The following EFCAB7 variants were observed in gnomAD, a reference collection of about 807,000 sequenced individuals.
The protein encoded by EFCAB7 is EF-hand calcium-binding domain-containing protein 7.
Under a neutral mutation model 77.1 loss-of-function variants are expected in EFCAB7, and 66 were observed. The observed-to-expected ratio is 0.86, with a 90% CI of 0.70 to 1.05. EFCAB7 has a LOEUF of 1.05. EFCAB7 is among the 50% of genes least tolerant of loss of function. The pLI is 0.00. For synonymous variants in EFCAB7, 225 were observed against 243.3 expected, an observed-to-expected ratio of 0.92 and a Z score of 0.70; for missense variants, 638 against 730.5, an observed-to-expected ratio of 0.87 and a Z score of 1.46.
At position 63,533,541 on chromosome 1, in the gene EFCAB7, C is replaced by T. The variant is rs950206374; in HGVS notation, c.574C>T (p.Gln192Ter). The T allele has an allele frequency of 6.2e-7, 1 of 1,613,098 alleles. No homozygotes were observed. The highest frequency in any genetic ancestry group is 1.3e-5 in the African/African-American group (1 of 74,856). Residue 192 changes from glutamine to a stop codon, truncating the protein, a stop_gained, in exon 5 of 14, where the codon CAG (glutamine) becomes TAG (stop). Transcript: ENST00000371088. LOFTEE classifies it high-confidence loss of function. ...GGTTGACAGTAAATTGATGCGTCAC[C>T]AGTTTGGAAACCACATCGAAGGGTC... Reference protein sequence around the residue: ...LEVDSKLMRHQFGNHIEGSPE... With the variant: ...LEVDSKLMRH
chr1:63,525,307 A>G (rs1415737162), intron 1 of EFCAB7, among the ~76,000 whole-genome samples: 6 of 152,180 alleles, frequency 3.9e-5, no homozygotes, highest in Admixed American at 1.3e-4. Flanking sequence ...ACAATTATAT[A>G]TATACATATG....
chr1:63,572,698 GT>G (rs1305510626), downstream of EFCAB7: 3 of 964,648 alleles, frequency 3.1e-6, no homozygotes, highest in African/African-American at 5.2e-5. Context: ...CTTTCATTGT[GT>G]GGTGTTCTTA....
At chr1:63,546,198 G>A (rs1358434141) in intron 7 of EFCAB7, 141 bp downstream of exon 7, 7 of 899,634 alleles carry the variant, frequency 7.8e-6, no homozygotes, top group Middle Eastern at 7.1e-4. Flanking sequence ...TCAAGAAAGT[G>A]TTGGCTTATA....
intron 7 of EFCAB7, 81 bp downstream of exon 7, chr1:63,546,138 C>T: frequency 7.0e-7 from 1 of 1,425,168 alleles, no homozygotes; most frequent in Non-Finnish European, 9.5e-7. Flanking sequence ...TTCCATAGTC[C>T]TAGTTAGGGA....
At chr1:63,555,724 T>A (rs564389560) in intron 9 of EFCAB7, among the ~76,000 whole-genome samples, 11 of 152,084 alleles carry the variant, frequency 7.2e-5, no homozygotes, top group Non-Finnish European at 1.3e-4. Flanking sequence ...ATGATCTCAC[T>A]TATATGTGGG....
downstream of EFCAB7, among the ~76,000 whole-genome samples, chr1:63,574,512 C>CT (rs567229667): frequency 3.5e-3 from 530 of 152,162 alleles, 1 homozygote; most frequent in Non-Finnish European, 6.4e-3. Context: ...ACACTAGCTG[C>CT]TTTTTTTAGC....
chr1:63,543,516 A>G (rs1465708828), intron 6 of EFCAB7, among the ~76,000 whole-genome samples: 1 of 152,208 alleles, frequency 6.6e-6, no homozygotes, highest in Non-Finnish European at 1.5e-5. Context: ...ATTACATGAA[A>G]ATCTAAGTAG....
chr1:63,530,857 T>C (rs1441137750), intron 2 of EFCAB7, among the ~76,000 whole-genome samples: 1 of 152,258 alleles, frequency 6.6e-6, no homozygotes, highest in African/African-American at 2.4e-5. Flanking sequence ...TCTCATTTCA[T>C]TAAGATATTT....
intron 2 of EFCAB7, among the ~76,000 whole-genome samples, chr1:63,529,360 C>T (rs1488732865): frequency 6.6e-6 from 1 of 152,068 alleles, no homozygotes; most frequent in Non-Finnish European, 1.5e-5. Flanking sequence ...TATGTTATAA[C>T]CCATGAGTTA....
At chr1:63,559,021 GAA>G (rs112813882) in intron 10 of EFCAB7, among the ~76,000 whole-genome samples, 1 of 123,460 alleles carries the variant, frequency 8.1e-6, no homozygotes, top group African/African-American at 3.0e-5. Context: ...CTCTTAAAAA[GAA>G]AAAAAAAAAA....
intron 11 of EFCAB7, among the ~76,000 whole-genome samples, chr1:63,565,370 C>T (rs528117501): frequency 7.6e-6 from 1 of 132,214 alleles, no homozygotes. Context: ...AAAAAAAAAA[C>T]AACAACAACA....
At chr1:63,573,532 C>T (rs912258896), downstream of EFCAB7, among the ~76,000 whole-genome samples, 5 of 152,078 alleles carry the variant, frequency 3.3e-5, no homozygotes, top group African/African-American at 7.2e-5. Context: ...TAAGAGTGGC[C>T]GTTTGGGGAT....
At chr1:63,538,882 C>T (rs1316243898) in intron 6 of EFCAB7, among the ~76,000 whole-genome samples, 3 of 152,144 alleles carry the variant, frequency 2.0e-5, no homozygotes, top group African/African-American at 7.2e-5. Context: ...TCAAATTGAT[C>T]TGTATATTAC....
At position 63,531,910 on chromosome 1, in the gene EFCAB7, G is replaced by C. The variant is rs1426353337; in HGVS notation, c.278G>C (p.Cys93Ser). The C allele has an allele frequency of 1.9e-6, 3 of 1,612,940 alleles. No homozygotes were observed. Among genetic ancestry groups the C allele is most frequent in the Non-Finnish European group, 2.5e-6 (3 of 1,179,414 alleles). Residue 93 changes from cysteine (C) to serine (S), a missense_variant, in exon 3 of 14, where the codon TGT becomes TCT. Cys to Ser is a moderately radical substitution (Grantham distance 112). Coordinates refer to ENST00000371088, the MANE Select transcript of EFCAB7 (RefSeq NM_032437.4). ...QTAKLNFDDF[C>S]IILRKEKPTS... is the part of the protein sequence containing the mutation. Reference sequence around the variant, plus strand: ...GCCAAACTGAATTTTGATGATTTTTGTATAATTTTAAGGAAGGAAAAACCT... The same window carrying C: ...GCCAAACTGAATTTTGATGATTTTTCTATAATTTTAAGGAAGGAAAAACCT...
At chr1:63,562,740 T>G (rs985108309) in intron 11 of EFCAB7, among the ~76,000 whole-genome samples, 6 of 151,038 alleles carry the variant, frequency 4.0e-5, no homozygotes, top group Non-Finnish European at 8.9e-5. Context: ...ATATTTTATG[T>G]CAGATTTAAA....
At chr1:63,544,555 G>A (rs1646872445) in intron 6 of EFCAB7, among the ~76,000 whole-genome samples, 2 of 151,656 alleles carry the variant, frequency 1.3e-5, no homozygotes, top group African/African-American at 4.8e-5. Flanking sequence ...TGGGACTACA[G>A]GCGCACGCCA....
At chr1:63,529,809 A>C (rs1646662994) in intron 2 of EFCAB7, 1 of 151,810 alleles carries the variant, frequency 6.6e-6, no homozygotes, top group African/African-American at 2.4e-5. Context: ...ATCTCGGCTT[A>C]CTGCAGTCTC....
chr1:63,552,407 C>G (rs1034890988), intron 8 of EFCAB7, among the ~76,000 whole-genome samples: 4 of 151,808 alleles, frequency 2.6e-5, no homozygotes, highest in Non-Finnish European at 5.9e-5. Flanking sequence ...CATTTTTTTT[C>G]CCTAAATGCA....
At chr1:63,551,097 C>A (rs1215649928) in intron 7 of EFCAB7, 1 of 152,134 alleles carries the variant, frequency 6.6e-6, no homozygotes, top group East Asian at 1.9e-4. Flanking sequence ...ACAGGTAAGC[C>A]AGTACTTAAA....
Sources: gnomAD v4.1 joint callset for allele counts (sites outside exome capture counted in the v4.1 genomes callset) on GRCh38, gnomAD v4.1.1 for gene constraint, MANE v1.5 for transcripts, NCBI Gene and HGNC (gene_info 2026-07-23, HGNC 2026-07-21) for gene names.